PLCD4: variants seen among roughly 807,000 people sequenced by gnomAD.
The protein encoded by PLCD4 is 1-phosphatidylinositol 4,5-bisphosphate phosphodiesterase delta-4.
A neutral mutation model predicts 90.2 loss-of-function variants in PLCD4; 63 were observed. The observed-to-expected ratio is 0.70, with a 90% confidence interval of 0.57 to 0.86. PLCD4 has a LOEUF of 0.86. PLCD4 is among the 40% of genes least tolerant of loss of function. The pLI is 0.00. For missense variants in PLCD4, 830 were observed against 956.3 expected (o/e 0.87, Z 1.74); for synonymous variants, 294 against 356.5 (o/e 0.82, Z 1.97).
Position 218,628,110 on chromosome 2 carries a change from G to T in PLCD4, c.854G>T (p.Cys285Phe), listed in dbSNP as rs1430758064. The T allele has an allele frequency of 1.2e-6, 2 of 1,613,984 alleles. No homozygotes were observed. The highest frequency in any genetic ancestry group is 1.7e-6 in the Non-Finnish European group (2 of 1,179,852). Residue 285 changes from cysteine to phenylalanine, a missense_variant, in exon 7 of 16, where the codon TGC becomes TTC. Transcript: ENST00000450993. ...SKDGDIFNPA[C>F]LPIYQDMTQP... is the part of the protein sequence containing the mutation. ...GATGGAGACATCTTCAACCCAGCCT[G>T]CCTCCCCATCTATCAGGATATGACT...
intron 10 of PLCD4, among the ~76,000 whole-genome samples, chr2:218,632,904 C>G (rs1696465052): frequency 6.6e-6 from 1 of 152,084 alleles, no homozygotes; most frequent in Admixed American, 6.6e-5. Flanking sequence ...GGTCCATCTC[C>G]CTATGGGGAA....
chr2:218,635,225 C>A (rs1410299751), intron 13 of PLCD4, among the ~76,000 whole-genome samples: 2 of 151,988 alleles, frequency 1.3e-5, no homozygotes, highest in Non-Finnish European at 2.9e-5. Context: ...CTATGACTGC[C>A]CCACTGCATT....
At chr2:218,635,153 G>A (rs2106170280) in intron 13 of PLCD4, among the ~76,000 whole-genome samples, 1 of 152,020 alleles carries the variant, frequency 6.6e-6, no homozygotes, top group Non-Finnish European at 1.5e-5. Flanking sequence ...AGATAGTCCT[G>A]GCTACTCAGG....
chr2:218,616,112 G>A (rs1359913500), intron 3 of PLCD4, 50 bp downstream of exon 3: 1 of 1,593,942 alleles, frequency 6.3e-7, no homozygotes, highest in Middle Eastern at 1.7e-4. Flanking sequence ...ATAGAGGCCT[G>A]AGGAGCCCGG....
intron 1 of PLCD4, chr2:218,609,482 C>A (rs1695235033): frequency 6.6e-6 from 1 of 152,174 alleles, no homozygotes; most frequent in South Asian, 2.1e-4. Context: ...ATTACCATAT[C>A]ATTGAAGATC....
chr2:218,618,471 T>G (rs763186382), intron 3 of PLCD4, 108 bp from the exon 4 acceptor site: 11 of 936,526 alleles, frequency 1.2e-5, no homozygotes. Flanking sequence ...GAGGCTGGGG[T>G]TCTTTTCTAT....
intron 9 of PLCD4, among the ~76,000 whole-genome samples, chr2:218,631,227 C>T (rs752714888): frequency 2.0e-5 from 3 of 151,972 alleles, no homozygotes; most frequent in East Asian, 1.9e-4. Context: ...TGCAATGGTG[C>T]GATCTCAGCT....
At chr2:218,615,405 T>A (rs1323459673) in intron 1 of PLCD4, among the ~76,000 whole-genome samples, 1 of 151,978 alleles carries the variant, frequency 6.6e-6, no homozygotes, top group Non-Finnish European at 1.5e-5. Context: ...TGTTAGTTCC[T>A]AATAATGAGA....
chr2:218,624,719 C>CAAAAA (rs766656849), intron 6 of PLCD4, among the ~76,000 whole-genome samples: 8 of 57,560 alleles, frequency 1.4e-4, no homozygotes, highest in Admixed American at 1.9e-4. Flanking sequence ...GACTCTGTCT[C>CAAAAA]AAAAAAAAAA....
chr2:218,635,899 C>G lies in PLCD4; in HGVS notation c.2000C>G (p.Ala667Gly). The G allele has an allele frequency of 1.9e-6, 3 of 1,613,986 alleles. No individual in the cohort carries two copies. The highest frequency in any genetic ancestry group is 2.5e-6 in the Non-Finnish European group (3 of 1,179,890). Reference sequence around the variant, plus strand: ...ATCTTTGGCGTTCGTCTAGACACAGCACGGCAGGAGACCAACTATGTGGAG... The same window carrying G: ...ATCTTTGGCGTTCGTCTAGACACAGGACGGCAGGAGACCAACTATGTGGAG... ...VQIFGVRLDT[A>G]RQETNYVENN... The change falls in exon 14 of 16, where the codon GCA (alanine) becomes GGA (glycine). Residue 667 changes from alanine (A) to glycine (G), a missense_variant. Coordinates refer to ENST00000450993, the MANE Select transcript of PLCD4 (RefSeq NM_032726.4).
intron 1 of PLCD4, among the ~76,000 whole-genome samples, chr2:218,611,129 A>G (rs1214493111): frequency 6.6e-6 from 1 of 152,138 alleles, no homozygotes; most frequent in African/African-American, 2.4e-5. Context: ...CTCCTTTTCT[A>G]TAAAATGAAG....
rs1695540445 is a variant in PLCD4 at position 218,615,614 on chromosome 2, C to T, written c.-33-93C>T. The T allele has an allele frequency of 2.9e-6, 3 of 1,051,754 alleles. No individual in the cohort carries two copies. The East Asian group carries it at 7.4e-5, about 26-fold the overall frequency. 65.2% of individuals were successfully genotyped at this position (1,051,754 alleles called of 1,614,324 possible). A position where few individuals can be genotyped will look rare whatever the true frequency, so the allele number is the denominator to read the frequency against. On this transcript the variant is annotated intron_variant, in intron 1 of 15. Coordinates refer to ENST00000450993, the MANE Select transcript of PLCD4 (RefSeq NM_032726.4). ...AGGTTTCTAAACCTATCTAAAGTGT[C>T]AGAGTCACTAAACTCAAAATTAGAA...
At chr2:218,622,593 G>C in intron 5 of PLCD4, 54 bp from the exon 6 acceptor site, 1 of 1,330,048 alleles carries the variant, frequency 7.5e-7, no homozygotes, top group Non-Finnish European at 1.0e-6. Flanking sequence ...TAATTAAAAA[G>C]ATAACATTTC....
rs1661313682 is a variant in PLCD4 at position 218,616,434 on chromosome 2, G to A, written c.181+372G>A. Among the ~76,000 whole-genome samples, 2 of 152,098 alleles carry A rather than the reference G, an allele frequency of 1.3e-5. 1 individual carries two copies. Among genetic ancestry groups the A allele is most frequent in the South Asian group, 4.1e-4 (2 of 4,826 alleles). ...AAATCAAGTAGTTAAGCTATGGCTG[G>A]GCATGGTGGCTCAATGCCTGTAATC... is the stretch of plus-strand genomic sequence containing the variant. On this transcript the variant is annotated intron_variant, in intron 3 of 15. Transcript: ENST00000450993.
intron 5 of PLCD4, among the ~76,000 whole-genome samples, chr2:218,621,937 G>A (rs1183414515): frequency 3.3e-5 from 5 of 151,922 alleles, no homozygotes; most frequent in African/African-American, 4.8e-5. Flanking sequence ...AAAATTAGCC[G>A]GGTGTGGTTG....
In PLCD4 at chr2:218,634,701, G is replaced by C; in HGVS notation, c.1896+71G>C. Reference sequence around the variant, plus strand: ...TAGAAGTGAGGGAAGAGGTGGCTAGGCCTGACCGGAATGTAGAGGCCGGAT... The same window carrying C: ...TAGAAGTGAGGGAAGAGGTGGCTAGCCCTGACCGGAATGTAGAGGCCGGAT... On this transcript the variant is annotated intron_variant, in intron 13 of 15. Coordinates refer to ENST00000450993, the MANE Select transcript of PLCD4 (RefSeq NM_032726.4). The surrounding 1 kb of genome is among the most constrained non-coding windows in gnomAD (Gnocchi z 4.0). The C allele has an allele frequency of 6.5e-7, 1 of 1,533,398 alleles. No homozygotes were observed. Among genetic ancestry groups the C allele is most frequent in the Non-Finnish European group, 8.9e-7 (1 of 1,125,902 alleles). The allele number at this position is 1,533,398 out of a possible 1,614,324, so 95.0% of individuals were successfully genotyped here.
chr2:218,630,370 G>A lies in PLCD4; in HGVS notation c.1120-280G>A, dbSNP rs533382165. 1.1e-3 allele frequency among the ~76,000 whole-genome samples: 169 copies of A among 152,276 alleles called. 1 individual carries two copies. Among genetic ancestry groups the A allele is most frequent in the Admixed American group, 2.4e-3 (36 of 15,306 alleles). On this transcript the variant is annotated intron_variant, in intron 8 of 15. Coordinates refer to ENST00000450993, the MANE Select transcript of PLCD4 (RefSeq NM_032726.4). ...GGCCTGGCCTTCCCACTAAGAGCCTGAAAACTCAAAGGTCCCAGAGGGGCC... is the reference window on the plus strand; with the variant it reads ...GGCCTGGCCTTCCCACTAAGAGCCTAAAAACTCAAAGGTCCCAGAGGGGCC...
intron 6 of PLCD4, among the ~76,000 whole-genome samples, chr2:218,624,185 T>C (rs1012368520): frequency 6.6e-6 from 1 of 152,228 alleles, no homozygotes; most frequent in Non-Finnish European, 1.5e-5. Flanking sequence ...AGAGATGGGA[T>C]GAATGAGAGC....
At chr2:218,631,927 A>T (rs1226180975) in intron 9 of PLCD4, among the ~76,000 whole-genome samples, 10 of 152,180 alleles carry the variant, frequency 6.6e-5, no homozygotes, top group Non-Finnish European at 1.5e-5. Flanking sequence ...GAGACCATAT[A>T]TATTATTTTC....
Sources: gnomAD v4.1 joint callset for allele counts (sites outside exome capture counted in the v4.1 genomes callset) on GRCh38, gnomAD v4.1.1 for gene constraint, Gnocchi (gnomAD v3.1) non-coding constraint, MANE v1.5 for transcripts, NCBI Gene and HGNC (gene_info 2026-07-23, HGNC 2026-07-21) for gene names.